Variants in WRN observed in about 807,000 individuals in gnomAD.
WRN encodes bifunctional 3'-5' exonuclease/ATP-dependent helicase WRN.
A neutral mutation model predicts 180.7 loss-of-function variants in WRN; 149 were observed. That is an observed-to-expected ratio of 0.82 (90% CI 0.72 to 0.94). The LOEUF (loss-of-function observed/expected upper bound fraction) is 0.94, where lower values mean the gene tolerates loss of function less well. Among genes scored for constraint, WRN ranks in the 40% least tolerant of loss-of-function variants. WRN has a pLI of 0.00. For missense variants in WRN, 1,661 were observed against 1,700.1 expected (o/e 0.98, Z 0.40); for synonymous variants, 548 against 568.9 (o/e 0.96, Z 0.52).
At chr8:31,104,345 C>T (rs78718902) in intron 18 of WRN, among the ~76,000 whole-genome samples, 3,999 of 152,158 alleles carry the variant, frequency 0.026, 172 homozygotes, top group African/African-American at 0.088. Context: ...ACTAATTTGC[C>T]TCTGGTGAAA....
chr8:31,084,233 A>C (rs1292665245), intron 10 of WRN, among the ~76,000 whole-genome samples: 1 of 152,080 alleles, frequency 6.6e-6, no homozygotes, highest in Non-Finnish European at 1.5e-5. Flanking sequence ...TCTTTACCTC[A>C]AGTAATCCAC....
In WRN at chr8:31,076,190, A is replaced by G. The variant is rs1060500076; in HGVS notation, c.742A>G (p.Ser248Gly). The G allele has an allele frequency of 6.2e-7, 1 of 1,613,710 alleles. No individual in the cohort carries two copies. Among genetic ancestry groups the G allele is most frequent in the East Asian group, 2.2e-5 (1 of 44,816 alleles). Residue 248 changes from serine (S) to glycine (G), a missense_variant, in exon 8 of 35, where the codon AGC becomes GGC. By Grantham distance (56) the Ser-to-Gly change is moderately conservative. Around this residue, in one of 3 missense-constraint regions of WRN, gnomAD observed 500 missense variants for 504.1 expected, o/e 0.99. Transcript: ENST00000298139. Reference sequence around the variant, plus strand: ...CCCCCTAGAGGAAGAAATCCTACTTAGCGACATGAACAAACAGTTGACTTC... The same window carrying G: ...CCCCCTAGAGGAAGAAATCCTACTTGGCGACATGAACAAACAGTTGACTTC... The part of the protein sequence containing the change: ...AINKEEEILL[S>G]DMNKQLTSIS...
rs1178475056 is a variant in WRN, at chr8:31,116,366, A to G, written c.2286A>G (p.Glu762=). 6.2e-7 allele frequency: 1 copy of G among 1,613,878 alleles called. No individual in the cohort carries two copies. Among genetic ancestry groups the G allele is most frequent in the Non-Finnish European group, 8.5e-7 (1 of 1,179,894 alleles). The change falls in exon 20 of 35, where the codon GAA becomes GAG. Residue 762 remains glutamate (E), a synonymous_variant. Transcript: ENST00000298139. ...PFLVKTSSHW[E]FEGPTIIYCP... ...TCTTTTTCTTTAGTTCCCACTGGGAATTTGAAGGTCCAACAATCATCTACT... is the reference window on the plus strand; with the variant it reads ...TCTTTTTCTTTAGTTCCCACTGGGAGTTTGAAGGTCCAACAATCATCTACT...
rs774765029 is a variant in WRN at position 31,124,556 on chromosome 8, C to T, written c.2665C>T (p.Arg889Ter). 17 of 1,612,438 alleles carry T rather than the reference C, an allele frequency of 1.1e-5. No homozygotes were observed. The highest frequency in any genetic ancestry group is 3.3e-5 in the South Asian group (3 of 90,978). The change falls in exon 22 of 35, where the codon CGA (arginine) becomes TGA (stop). Residue 889 changes from arginine to a stop codon, truncating the protein, a stop_gained. Transcript: ENST00000298139. LOFTEE classifies it high-confidence loss of function. ...LLTEIRNEKF[R>*]LYKLKMMAKM... ...TACTGAGATACGTAATGAGAAGTTT[C>T]GATTATACAAATTAAAGATGATGGC...
intron 34 of WRN, among the ~76,000 whole-genome samples, chr8:31,168,602 G>A (rs1803990688): frequency 6.6e-6 from 1 of 150,986 alleles, no homozygotes; most frequent in Non-Finnish European, 1.5e-5. Context: ...CCCCATTTAG[G>A]GGAACAAGGG....
intron 24 of WRN, among the ~76,000 whole-genome samples, chr8:31,133,559 T>G (rs1041580837): frequency 2.6e-5 from 4 of 152,120 alleles, no homozygotes; most frequent in Non-Finnish European, 5.9e-5. Context: ...TTTATTAAAT[T>G]AGTTGTGAAA....
At chr8:31,162,492 G>A (rs62506104) in intron 33 of WRN, among the ~76,000 whole-genome samples, 26,278 of 152,104 alleles carry the variant, frequency 0.17, 2,370 homozygotes, top group South Asian at 0.25. Context: ...AAGGGCCTGC[G>A]TGTTTTACAG....
At chr8:31,085,577 C>T (rs768437821) in intron 11 of WRN, among the ~76,000 whole-genome samples, 3 of 151,766 alleles carry the variant, frequency 2.0e-5, no homozygotes. Flanking sequence ...TGAAGTGATT[C>T]TCCTGCATGA....
intron 3 of WRN, 139 bp from the exon 4 acceptor site, chr8:31,064,150 G>T: frequency 2.3e-5 from 19 of 816,050 alleles, no homozygotes; most frequent in South Asian, 6.1e-5. Flanking sequence ...ATATTTTCTG[G>T]CTGTTCATTG....
At chr8:31,038,153 A>G (rs77641590) in intron 1 of WRN, among the ~76,000 whole-genome samples, 1,568 of 152,182 alleles carry the variant, frequency 0.01, 29 homozygotes, top group African/African-American at 0.036. Flanking sequence ...CTTTTAGTTT[A>G]GCTTTTTAAG....
Position 31,087,848 on chromosome 8 carries a change from G to A in WRN, c.1504G>A (p.Gly502Ser). 1.2e-6 allele frequency: 2 copies of A among 1,613,680 alleles called. No homozygotes were observed. The highest frequency in any genetic ancestry group is 1.3e-5 in the African/African-American group (1 of 75,010). Residue 502 changes from glycine (G) to serine (S), a missense_variant, in exon 12 of 35, where the codon GGT (glycine) becomes AGT (serine). Gly to Ser is a moderately conservative substitution (Grantham distance 56). Around this residue, in one of 3 missense-constraint regions of WRN, gnomAD observed 1,141 missense variants for 1,149.4 expected, o/e 0.99. Transcript: ENST00000298139. ...ATGCTTAAAAATGGAAAGAAATCTG[G>A]GTCTTCCTACTAAAGAAGAAGAAGA... ...SKCLKMERNL[G>S]LPTKEEEEDD...
At chr8:31,166,306 A>G (rs1882928) in intron 33 of WRN, among the ~76,000 whole-genome samples, 65,158 of 151,828 alleles carry the variant, frequency 0.43, 14,298 homozygotes, top group East Asian at 0.64. Context: ...AGCATTGCAG[A>G]AGAATGTGAT....
At chr8:31,127,879 A>G (rs915478106) in intron 23 of WRN, among the ~76,000 whole-genome samples, 1 of 152,170 alleles carries the variant, frequency 6.6e-6, no homozygotes, top group African/African-American at 2.4e-5. Context: ...GCAGTGAGCC[A>G]TGATGGCACC....
At chr8:31,137,935 CAA>C (rs1563374164) in intron 24 of WRN, among the ~76,000 whole-genome samples, 2 of 151,964 alleles carry the variant, frequency 1.3e-5, no homozygotes, top group African/African-American at 2.4e-5. Flanking sequence ...CCTACCTCTA[CAA>C]AAAAAGTTTT....
chr8:31,072,848 G>A (rs1024196816), intron 7 of WRN, among the ~76,000 whole-genome samples: 1 of 152,136 alleles, frequency 6.6e-6, no homozygotes, highest in Non-Finnish European at 1.5e-5. Flanking sequence ...TGAAGTGAGG[G>A]AGCCATGTGG....
rs770796609 is a variant in WRN, at chr8:31,167,067, T to C, written c.4028T>C (p.Ile1343Thr). The C allele has an allele frequency of 1.1e-5, 18 of 1,613,206 alleles. 1 individual carries two copies. In the South Asian group the frequency reaches 2.0e-4, roughly 18 times the overall value. The change falls in exon 34 of 35, where the codon ATT becomes ACT. Residue 1343 changes from isoleucine to threonine, a missense_variant. By Grantham distance (89) the Ile-to-Thr change is moderately conservative. This residue lies in a region of WRN where 1,141 missense variants were observed against 1,149.4 expected (regional missense o/e 0.99). Transcript: ENST00000298139. ...SLIRMLVPEN[I>T]DTYLIHMAIE... Reference sequence around the variant, plus strand: ...ATCAGAATGTTAGTTCCTGAAAACATTGACACGTACCTTATCCACATGGCA... The same window carrying C: ...ATCAGAATGTTAGTTCCTGAAAACACTGACACGTACCTTATCCACATGGCA...
At chr8:31,132,278 C>G (rs1802209174) in intron 23 of WRN, 87 bp from the exon 24 acceptor site, 5 of 1,495,750 alleles carry the variant, frequency 3.3e-6, no homozygotes, top group Non-Finnish European at 4.5e-6. Flanking sequence ...ATATTTTTTA[C>G]TTGGCTAATT....
Position 31,120,417 on chromosome 8 carries a change from T to C in WRN, c.2623T>C (p.Leu875=), listed in dbSNP as rs1332974934. 2 of 1,611,850 alleles carry C rather than the reference T, an allele frequency of 1.2e-6. No homozygotes were observed. Among genetic ancestry groups the C allele is most frequent in the Admixed American group, 1.7e-5 (1 of 59,766 alleles). The change falls in exon 21 of 35, where the codon TTA becomes CTA. Residue 875 remains leucine (L), a synonymous_variant. Transcript: ENST00000298139. ...CCTCTGGGCTCCTGCAGACATTAAC[T>C]TAAATAGGTAAAAAAAATTTATTGT... ...HVLWAPADIN[L]NRHLLTEIRN...
At chr8:31,155,324 A>G (rs1459405056) in intron 32 of WRN, among the ~76,000 whole-genome samples, 1 of 152,148 alleles carries the variant, frequency 6.6e-6, no homozygotes, top group Non-Finnish European at 1.5e-5. Flanking sequence ...AATTGCTGTA[A>G]CAAATGACCA....
Sources: allele counts gnomAD v4.1 joint callset (sites outside exome capture counted in the v4.1 genomes callset), GRCh38; gene constraint gnomAD v4.1.1; regional missense constraint gnomAD v4.1.1; transcripts MANE v1.5; gene names NCBI Gene and HGNC (gene_info 2026-07-23, HGNC 2026-07-21).